Variants in USP54 observed in about 807,000 individuals in gnomAD.
USP54 encodes the protein ubiquitin specific peptidase 54.
Under a neutral mutation model 170.5 loss-of-function variants are expected in USP54, and 87 were observed. The ratio of observed to expected loss-of-function variants is 0.51; its 90% CI spans 0.43 to 0.61. The LOEUF (loss-of-function observed/expected upper bound fraction) is 0.61, where lower values mean the gene tolerates loss of function less well. Among genes scored for constraint, USP54 ranks in the 20% least tolerant of loss-of-function variants. The pLI, the probability that USP54 is intolerant of heterozygous loss-of-function variation, is 0.00. For missense variants in USP54, 1,786 were observed against 2,047.8 expected (o/e 0.87, Z 2.47); for synonymous variants, 655 against 742.8 (o/e 0.88, Z 1.92).
At chr10:73,500,959 T>A in intron 22 of USP54, 121 bp from the exon 23 acceptor site, 1 of 1,070,262 alleles carries the variant, frequency 9.3e-7, no homozygotes, top group Non-Finnish European at 1.3e-6. Context: ...CAAACATGCC[T>A]ACATGCCTTG....
chr10:73,606,175 C>CAAAAAAAAA (rs1178699732), intron 1 of USP54, among the ~76,000 whole-genome samples: 1 of 25,592 alleles, frequency 3.9e-5, no homozygotes, highest in Non-Finnish European at 9.8e-5. Flanking sequence ...GAGGCTGTCT[C>CAAAAAAAAA]AAAAAAAAAA....
intron 4 of USP54, among the ~76,000 whole-genome samples, chr10:73,552,269 C>T (rs2069577734): frequency 1.3e-5 from 2 of 152,020 alleles, no homozygotes; most frequent in Admixed American, 6.6e-5. Context: ...AAAAAGTAGC[C>T]GGGCGTTGCG....
chr10:73,537,771 A>T (rs75953730), intron 10 of USP54: 2 of 140,956 alleles, frequency 1.4e-5, no homozygotes, highest in Non-Finnish European at 3.0e-5. Flanking sequence ...AAAAAAAAAA[A>T]TTCCTCTCTG....
chr10:73,603,697 G>T (rs1014667850), intron 1 of USP54, among the ~76,000 whole-genome samples: 1 of 150,498 alleles, frequency 6.6e-6, no homozygotes. Flanking sequence ...GCAGTGAGCC[G>T]AGATCACACC....
chr10:73,604,956 T>C (rs1172653630), intron 1 of USP54, among the ~76,000 whole-genome samples: 1 of 152,142 alleles, frequency 6.6e-6, no homozygotes, highest in Non-Finnish European at 1.5e-5. Context: ...TTCCCATATT[T>C]GTCCCCACCC....
At chr10:73,547,724 A>T (rs2133576492) in intron 4 of USP54, among the ~76,000 whole-genome samples, 1 of 152,338 alleles carries the variant, frequency 6.6e-6, no homozygotes, top group East Asian at 1.9e-4. Flanking sequence ...CTTATACAAC[A>T]ATTAATTCAA....
upstream of USP54, among the ~76,000 whole-genome samples, chr10:73,592,066 C>A (rs1050188477): frequency 6.6e-6 from 1 of 152,000 alleles, no homozygotes; most frequent in Non-Finnish European, 1.5e-5. Context: ...GGGAAGAGAC[C>A]TAGTTACATC....
chr10:73,602,073 C>T (rs886460243), intron 1 of USP54, among the ~76,000 whole-genome samples: 1 of 152,144 alleles, frequency 6.6e-6, no homozygotes, highest in African/African-American at 2.4e-5. Context: ...TTTGCCCTGT[C>T]TAAAAGTTAA....
At position 73,530,748 on chromosome 10, in the gene USP54, C is replaced by A. The variant is rs1188610096; in HGVS notation, c.1403G>T (p.Arg468Met). 6.2e-7 allele frequency: 1 copy of A among 1,614,178 alleles called. No homozygotes were observed. ...IERKRSSGRV[R>M]RKGDEPQASG... Reference sequence around the variant, plus strand: ...GGCCTGGGGCTCATCGCCTTTCCTCCTAACCCGACCAGAGCTCCTCTTGCG... The same window carrying A: ...GGCCTGGGGCTCATCGCCTTTCCTCATAACCCGACCAGAGCTCCTCTTGCG... Residue 468 changes from arginine (R) to methionine (M), a missense_variant, in exon 13 of 24, where the codon AGG becomes ATG. By Grantham distance (91) the Arg-to-Met change is moderately conservative. Transcript: ENST00000687698.
rs757579562 is a variant in USP54, at chr10:73,541,620, T to A, written c.678+13A>T. On this transcript the variant is annotated intron_variant, in intron 8 of 23. Coordinates refer to ENST00000687698, the MANE Select transcript of USP54 (RefSeq NM_001391956.1). Reference sequence around the variant, plus strand: ...CCTTTCCCACTCCAAACCCCACCCCTGATTTAACTCACTGGACAGTTCCGC... The same window carrying A: ...CCTTTCCCACTCCAAACCCCACCCCAGATTTAACTCACTGGACAGTTCCGC... The A allele has an allele frequency of 3.1e-6, 5 of 1,613,926 alleles. No individual in the cohort carries two copies. The highest frequency in any genetic ancestry group is 1.1e-5 in the South Asian group (1 of 91,052).
In USP54 at chr10:73,571,484, A is replaced by G. The variant is rs373158566; in HGVS notation, c.177T>C (p.Arg59=). Residue 59 remains arginine (R), a synonymous_variant, in exon 4 of 24, where the codon CGT becomes CGC. Transcript: ENST00000687698. ...QVLWHLDIFR[R]SFRQLTTHKC... ...TGTGAGTTGTAAGCTGCCTAAAGCT[A>G]CGTCGGAAGATATCCAAGTGCCACA... 50 of 1,613,896 alleles carry G rather than the reference A, an allele frequency of 3.1e-5. No homozygotes were observed. Among genetic ancestry groups the G allele is most frequent in the Non-Finnish European group, 4.0e-5 (47 of 1,179,944 alleles).
At chr10:73,532,804 CA>C (rs1344029521) in intron 12 of USP54, among the ~76,000 whole-genome samples, 2 of 151,794 alleles carry the variant, frequency 1.3e-5, no homozygotes, top group Non-Finnish European at 2.9e-5. Context: ...CTAGTTCTAG[CA>C]ATAAATTGCA....
Position 73,526,677 on chromosome 10 carries a change from C to G in USP54, c.2164G>C (p.Gly722Arg), listed in dbSNP as rs759338229. 6.2e-7 allele frequency: 1 copy of G among 1,614,112 alleles called. No homozygotes were observed. Among genetic ancestry groups the G allele is most frequent in the Non-Finnish European group, 8.5e-7 (1 of 1,180,000 alleles). The change falls in exon 16 of 24, where the codon GGT becomes CGT. Residue 722 changes from glycine to arginine, a missense_variant. Physicochemically the swap from Gly to Arg is moderately radical, Grantham distance 125 (BLOSUM62 -2). Coordinates refer to ENST00000687698, the MANE Select transcript of USP54 (RefSeq NM_001391956.1). ...ILEVDSTASMGGWTKSQPFSG... is the reference protein window; with the variant it reads ...ILEVDSTASMRGWTKSQPFSG... ...AAAGGCTGACTCTTTGTCCAGCCAC[C>G]CATGGATGCTGTGGAGTCTACCTCC... is the stretch of plus-strand genomic sequence containing the variant.
chr10:73,512,149 CTTTT>C (rs1312991347), intron 20 of USP54, among the ~76,000 whole-genome samples: 1 of 151,770 alleles, frequency 6.6e-6, no homozygotes, highest in Admixed American at 6.6e-5. Context: ...TATCACTCCT[CTTTT>C]TTTTGAGACA....
At chr10:73,572,794 A>C (rs553366333) in intron 3 of USP54, among the ~76,000 whole-genome samples, 2 of 152,340 alleles carry the variant, frequency 1.3e-5, no homozygotes, top group African/African-American at 4.8e-5. Flanking sequence ...TGTATTGTAT[A>C]TGGCACTGGA....
intron 1 of USP54, among the ~76,000 whole-genome samples, chr10:73,616,012 G>A (rs1180851819): frequency 6.7e-6 from 1 of 149,722 alleles, no homozygotes; most frequent in Non-Finnish European, 1.5e-5. Context: ...TTCAAGACCA[G>A]CCTGGCCAAC....
At position 73,560,375 on chromosome 10, in the gene USP54, C is replaced by T. The variant is rs547467989; in HGVS notation, c.240+11046G>A. On this transcript the variant is annotated intron_variant, in intron 4 of 23. Coordinates refer to ENST00000687698, the MANE Select transcript of USP54 (RefSeq NM_001391956.1). ...GCCTACTAAAAAAAGTGAGACCAGGCCGGGCATGGTGGCTCACGCCTGTAA... is the reference window on the plus strand; with the variant it reads ...GCCTACTAAAAAAAGTGAGACCAGGTCGGGCATGGTGGCTCACGCCTGTAA... Among the ~76,000 whole-genome samples, 4 of 152,014 alleles carry T rather than the reference C, an allele frequency of 2.6e-5. No homozygotes were observed. The East Asian group carries it at 5.8e-4, about 22-fold the overall frequency.
At chr10:73,588,202 TTTG>T (rs1232001286) in intron 1 of USP54, among the ~76,000 whole-genome samples, 3 of 151,934 alleles carry the variant, frequency 2.0e-5, no homozygotes, top group East Asian at 1.9e-4. Flanking sequence ...AAATGTATCC[TTTG>T]TTGTTGTTGT....
At chr10:73,558,795 A>G (rs183330595) in intron 4 of USP54, among the ~76,000 whole-genome samples, 1 of 152,356 alleles carries the variant, frequency 6.6e-6, no homozygotes, top group African/African-American at 2.4e-5. Context: ...AAATTTGTGT[A>G]TAACTTTTGA....
Sources: allele counts gnomAD v4.1 joint callset (sites outside exome capture counted in the v4.1 genomes callset), GRCh38; gene constraint gnomAD v4.1.1; transcripts MANE v1.5; gene names NCBI Gene and HGNC (gene_info 2026-07-23, HGNC 2026-07-21).